Variants in CRIM1 observed in about 807,000 individuals in gnomAD.
CRIM1 encodes cysteine-rich motor neuron 1 protein.
Under a neutral mutation model 116.4 loss-of-function variants are expected in CRIM1, and 32 were observed. The observed-to-expected ratio is 0.27, with a 90% CI of 0.21 to 0.37. The LOEUF (loss-of-function observed/expected upper bound fraction) is 0.37. Ranked by LOEUF, CRIM1 falls within the 10% of genes least tolerant of loss-of-function variation. The pLI is 1.00. For synonymous variants in CRIM1, 590 were observed against 509.2 expected (o/e 1.16, Z -2.13); for missense variants, 1,331 against 1,354.8 (o/e 0.98, Z 0.28).
intron 1 of CRIM1, chr2:36,378,609 A>G (rs897913018): frequency 2.3e-5 from 7 of 301,674 alleles, no homozygotes; most frequent in Non-Finnish European, 4.0e-5. Flanking sequence ...ACTAAAGGGT[A>G]TACGTCCTTG....
intron 4 of CRIM1, among the ~76,000 whole-genome samples, chr2:36,463,524 C>T (rs928341731): frequency 1.3e-5 from 2 of 152,234 alleles, no homozygotes; most frequent in African/African-American, 4.8e-5. Context: ...GAACTCCCGC[C>T]GTCATCTTCT....
intron 13 of CRIM1, among the ~76,000 whole-genome samples, chr2:36,528,220 T>C (rs1017682556): frequency 1.3e-5 from 2 of 152,212 alleles, no homozygotes; most frequent in Non-Finnish European, 2.9e-5. Context: ...GCGTCTGGCT[T>C]TCTACAAGAG....
chr2:36,431,188 T>A (rs529751650), intron 2 of CRIM1, among the ~76,000 whole-genome samples: 1 of 152,226 alleles, frequency 6.6e-6, no homozygotes, highest in South Asian at 2.1e-4. Flanking sequence ...AGGTGTTAGG[T>A]TTAAAACAAA....
intron 2 of CRIM1, among the ~76,000 whole-genome samples, chr2:36,423,469 T>C (rs1572697781): frequency 6.6e-6 from 1 of 152,254 alleles, no homozygotes; most frequent in Admixed American, 6.5e-5. Flanking sequence ...GGTTGAAGTA[T>C]GTATTATAGT....
chr2:36,388,912 G>A (rs1211156736), intron 1 of CRIM1, among the ~76,000 whole-genome samples: 1 of 152,174 alleles, frequency 6.6e-6, no homozygotes, highest in Admixed American at 6.5e-5. Flanking sequence ...AGTACTGCTT[G>A]TTTTTCAGTG....
chr2:36,519,125 A>T (rs1322187615), intron 12 of CRIM1, among the ~76,000 whole-genome samples: 1 of 152,136 alleles, frequency 6.6e-6, no homozygotes, highest in Non-Finnish European at 1.5e-5. Flanking sequence ...GAACTTAGGG[A>T]TTAACTAAGG....
In CRIM1 at chr2:36,512,382, T is replaced by A; in HGVS notation, c.1768T>A (p.Cys590Ser). The A allele has an allele frequency of 6.2e-7, 1 of 1,613,312 alleles. No individual in the cohort carries two copies. Among genetic ancestry groups the A allele is most frequent in the Non-Finnish European group, 8.5e-7 (1 of 1,179,316 alleles). Reference sequence around the variant, plus strand: ...GCAGGACAGTCACGGCTGTCTTATCTGCAAGTGCAGAGGTAAGTGTGTACA... The same window carrying A: ...GCAGGACAGTCACGGCTGTCTTATCAGCAAGTGCAGAGGTAAGTGTGTACA... ...FQQDSHGCLICKCREASASAG... is the reference protein window; with the variant it reads ...FQQDSHGCLISKCREASASAG... Residue 590 changes from cysteine (C) to serine (S), a missense_variant, in exon 10 of 17, where the codon TGC becomes AGC. Transcript: ENST00000280527.
chr2:36,453,663 T>C (rs1676905554), intron 4 of CRIM1, among the ~76,000 whole-genome samples: 1 of 152,226 alleles, frequency 6.6e-6, no homozygotes, highest in African/African-American at 2.4e-5. Context: ...GAATAAAATA[T>C]AGTCGCTGAT....
chr2:36,405,884 C>T (rs1249729670), intron 2 of CRIM1, among the ~76,000 whole-genome samples: 7 of 152,062 alleles, frequency 4.6e-5, no homozygotes, highest in Admixed American at 3.9e-4. Flanking sequence ...TATACAGGAC[C>T]TCATGGTAAG....
At chr2:36,545,479 A>C (rs1667258026) in intron 15 of CRIM1, among the ~76,000 whole-genome samples, 1 of 152,188 alleles carries the variant, frequency 6.6e-6, no homozygotes, top group African/African-American at 2.4e-5. Flanking sequence ...TGTGCATTGC[A>C]TAGTATCTAT....
At chr2:36,374,038 G>C (rs184209645) in intron 1 of CRIM1, among the ~76,000 whole-genome samples, 49 of 152,170 alleles carry the variant, frequency 3.2e-4, no homozygotes, top group African/African-American at 1.0e-3. Flanking sequence ...TCTCCTCTTC[G>C]GCAGTTCCTA....
At chr2:36,467,718 T>C (rs143046590) in intron 5 of CRIM1, among the ~76,000 whole-genome samples, 2 of 152,318 alleles carry the variant, frequency 1.3e-5, no homozygotes, top group African/African-American at 4.8e-5. Flanking sequence ...GGGTATACAG[T>C]CCATCAGTGC....
chr2:36,497,582 GT>G (rs1680688902), intron 7 of CRIM1, among the ~76,000 whole-genome samples: 1 of 152,184 alleles, frequency 6.6e-6, no homozygotes, highest in African/African-American at 2.4e-5. Flanking sequence ...GATGTTTACA[GT>G]TATCTGTCAG....
chr2:36,387,190 G>A (rs1671230971), intron 1 of CRIM1, among the ~76,000 whole-genome samples: 1 of 152,164 alleles, frequency 6.6e-6, no homozygotes, highest in Non-Finnish European at 1.5e-5. Flanking sequence ...TCTGTAGGAG[G>A]ATAAAACACT....
chr2:36,461,484 G>T (rs1677576689), intron 4 of CRIM1, among the ~76,000 whole-genome samples: 1 of 152,128 alleles, frequency 6.6e-6, no homozygotes, highest in African/African-American at 2.4e-5. Flanking sequence ...ACTCAGTAGA[G>T]GAAAATCTAG....
intron 7 of CRIM1, among the ~76,000 whole-genome samples, chr2:36,482,970 A>G (rs980342341): frequency 6.6e-6 from 1 of 152,224 alleles, no homozygotes; most frequent in Non-Finnish European, 1.5e-5. Context: ...GGGGGCCCTT[A>G]AAGACTAGGC....
At chr2:36,538,127 C>CA (rs971368911) in intron 14 of CRIM1, among the ~76,000 whole-genome samples, 1 of 152,166 alleles carries the variant, frequency 6.6e-6, no homozygotes, top group Non-Finnish European at 1.5e-5. Flanking sequence ...TGTGAATCCC[C>CA]ATGCCTACAT....
chr2:36,548,692 AAC>A lies in CRIM1; in HGVS notation c.3104_3105del (p.Thr1035SerfsTer7). 1 of 1,587,916 alleles carries A rather than the reference AAC, an allele frequency of 6.3e-7. No individual in the cohort carries two copies. The highest frequency in any genetic ancestry group is 2.2e-5 in the East Asian group (1 of 44,726). On this transcript the variant is annotated frameshift_variant, in exon 17 of 17. Coordinates refer to ENST00000280527, the MANE Select transcript of CRIM1 (RefSeq NM_016441.3). LOFTEE classifies it high-confidence loss of function. The part of the protein sequence containing the change: ...NHLQADNFYQ[T>X]V ...ATCTACAGGCAGACAATTTCTACCAAACAGTGTGAAGAAAGGCAACTAGGATG... is the reference window on the plus strand; with the variant it reads ...ATCTACAGGCAGACAATTTCTACCAAAGTGTGAAGAAAGGCAACTAGGATG...
intron 14 of CRIM1, among the ~76,000 whole-genome samples, chr2:36,542,047 G>C (rs1240385784): frequency 1.3e-5 from 2 of 152,196 alleles, no homozygotes; most frequent in African/African-American, 4.8e-5. Flanking sequence ...CCTTGGACTT[G>C]AGGACTGTGA....
Sources: gnomAD v4.1 joint callset for allele counts (sites outside exome capture counted in the v4.1 genomes callset) on GRCh38, gnomAD v4.1.1 for gene constraint, MANE v1.5 for transcripts, NCBI Gene and HGNC (gene_info 2026-07-23, HGNC 2026-07-21) for gene names.